MORC1: variants seen among roughly 807,000 people sequenced by gnomAD.
The protein encoded by MORC1 is MORC family CW-type zinc finger 1, also known as MORC family CW-type zinc finger protein 1.
In MORC1, 59 loss-of-function variants were observed where a neutral mutation model predicts 134.9. The observed-to-expected ratio is 0.44, with a 90% CI of 0.35 to 0.54. MORC1 has a LOEUF of 0.54. Ranked by LOEUF, MORC1 falls within the 20% of genes least tolerant of loss-of-function variation. The pLI, the probability that MORC1 is intolerant of heterozygous loss-of-function variation, is 0.00. For synonymous variants in MORC1, 395 were observed against 391.7 expected, an observed-to-expected ratio of 1.01 and a Z score of -0.10; for missense variants, 947 against 1,134.5, an observed-to-expected ratio of 0.83 and a Z score of 2.37.
intron 8 of MORC1, among the ~76,000 whole-genome samples, chr3:109,085,570 C>T (rs984701452): frequency 6.6e-6 from 1 of 151,540 alleles, no homozygotes; most frequent in East Asian, 1.9e-4. Context: ...TATCATCTCA[C>T]CCCAATTAAA....
At chr3:109,097,270 CTAGA>C (rs1197086260) in intron 6 of MORC1, among the ~76,000 whole-genome samples, 8 of 152,106 alleles carry the variant, frequency 5.3e-5, no homozygotes, top group African/African-American at 1.9e-4. Context: ...ACACTAGAAA[CTAGA>C]TAATGAAGCA....
chr3:109,065,395 T>G (rs1437215120), intron 9 of MORC1, among the ~76,000 whole-genome samples: 1 of 152,094 alleles, frequency 6.6e-6, no homozygotes, highest in Non-Finnish European at 1.5e-5. Context: ...AGAACCATCT[T>G]CCCACAAAAT....
intron 3 of MORC1, among the ~76,000 whole-genome samples, chr3:109,108,206 G>A (rs2107796105): frequency 6.6e-6 from 1 of 152,088 alleles, no homozygotes; most frequent in South Asian, 2.1e-4. Context: ...AAGGAGAAGT[G>A]CCACTTTAAT....
chr3:109,011,271 T>C (rs1948675296), intron 17 of MORC1, among the ~76,000 whole-genome samples: 1 of 152,174 alleles, frequency 6.6e-6, no homozygotes, highest in African/African-American at 2.4e-5. Flanking sequence ...TATGTCACTT[T>C]ACCATTTTGC....
chr3:109,079,747 G>A (rs571968239), intron 8 of MORC1, among the ~76,000 whole-genome samples: 21 of 152,098 alleles, frequency 1.4e-4, no homozygotes, highest in African/African-American at 5.1e-4. Context: ...AAAATCTAAT[G>A]AAAACTATTA....
intron 25 of MORC1, among the ~76,000 whole-genome samples, chr3:108,970,874 T>C (rs565068512): frequency 6.6e-6 from 1 of 152,320 alleles, no homozygotes; most frequent in South Asian, 2.1e-4. Context: ...TCCAATCACA[T>C]CTGGTACTGT....
At chr3:108,967,488 A>G (rs1947255973) in intron 26 of MORC1, among the ~76,000 whole-genome samples, 1 of 152,164 alleles carries the variant, frequency 6.6e-6, no homozygotes, top group Non-Finnish European at 1.5e-5. Flanking sequence ...TGGTGGGCCA[A>G]TACGCCAACC....
chr3:108,974,136 C>A (rs2107411682), intron 24 of MORC1, among the ~76,000 whole-genome samples: 1 of 152,182 alleles, frequency 6.6e-6, no homozygotes, highest in Non-Finnish European at 1.5e-5. Context: ...CACTCTCTTC[C>A]ACATCAGATT....
At chr3:109,103,404 A>G (rs945903020) in intron 4 of MORC1, among the ~76,000 whole-genome samples, 2 of 152,194 alleles carry the variant, frequency 1.3e-5, no homozygotes, top group Non-Finnish European at 2.9e-5. Flanking sequence ...AATGCAGAGG[A>G]AAAAACAAGG....
Position 109,068,814 on chromosome 3 carries a change from G to T in MORC1, c.815+818C>A, listed in dbSNP as rs115602469. Among the ~76,000 whole-genome samples, 778 of 152,266 alleles carry T rather than the reference G, an allele frequency of 5.1e-3. 18 individuals carry two copies. The highest frequency in any genetic ancestry group is 0.018 in the African/African-American group (747 of 41,556). On this transcript the variant is annotated intron_variant, in intron 9 of 27. Coordinates refer to ENST00000232603, the MANE Select transcript of MORC1 (RefSeq NM_014429.4). ...AATGACCATTCTGATGGCATGCATG[G>T]TTGGAAAAAATGGATATTATAATAT...
chr3:109,045,369 A>T (rs1949670133), intron 14 of MORC1, among the ~76,000 whole-genome samples: 1 of 152,088 alleles, frequency 6.6e-6, no homozygotes, highest in South Asian at 2.1e-4. Flanking sequence ...GACCCTTCCT[A>T]ATCTGGTCCA....
intron 14 of MORC1, among the ~76,000 whole-genome samples, chr3:109,053,974 A>G (rs1949890169): frequency 6.6e-6 from 1 of 152,160 alleles, no homozygotes; most frequent in Non-Finnish European, 1.5e-5. Flanking sequence ...AGAATTTTTA[A>G]CTATGCAAAA....
chr3:109,114,510 G>A, intron 1 of MORC1, 73 bp from the exon 2 acceptor site: 2 of 1,301,896 alleles, frequency 1.5e-6, no homozygotes, highest in Non-Finnish European at 2.2e-6. Context: ...TAAGATTCTT[G>A]CAGACAAACG....
chr3:108,960,062 T>C (rs1683375876), intron 27 of MORC1, among the ~76,000 whole-genome samples: 1 of 151,980 alleles, frequency 6.6e-6, no homozygotes, highest in African/African-American at 2.4e-5. Context: ...AAGAGAGAAA[T>C]CAGCAGTTAA....
chr3:109,078,698 G>T (rs1266509344), intron 8 of MORC1, among the ~76,000 whole-genome samples: 5 of 151,670 alleles, frequency 3.3e-5, no homozygotes, highest in Non-Finnish European at 7.4e-5. Flanking sequence ...TAAAATAAAA[G>T]TAATCCCAGC....
intron 5 of MORC1, among the ~76,000 whole-genome samples, chr3:109,099,866 G>A (rs529609161): frequency 5.9e-5 from 9 of 152,178 alleles, no homozygotes; most frequent in Non-Finnish European, 8.8e-5. Flanking sequence ...AAGCACTAAA[G>A]TACAGGGGTA....
In MORC1 at chr3:109,041,715, C is replaced by T. The variant is rs554577685; in HGVS notation, c.1331-6247G>A. Among the ~76,000 whole-genome samples, 8 of 152,172 alleles carry T rather than the reference C, an allele frequency of 5.3e-5. No individual in the cohort carries two copies. In the South Asian group the frequency reaches 6.2e-4, roughly 12 times the overall value. On this transcript the variant is annotated intron_variant, in intron 14 of 27. Transcript: ENST00000232603. ...TACAAAAGTTAGCTGGGTGTGGTGG[C>T]GCATACCTGTAGTCCCAGCGACTCA...
chr3:109,089,543 A>G (rs1950677415), intron 8 of MORC1, among the ~76,000 whole-genome samples: 1 of 152,162 alleles, frequency 6.6e-6, no homozygotes, highest in South Asian at 2.1e-4. Context: ...CTGTAAATGA[A>G]GCTTACTAAA....
At chr3:109,111,934 A>G (rs1189605583) in intron 2 of MORC1, among the ~76,000 whole-genome samples, 1 of 152,138 alleles carries the variant, frequency 6.6e-6, no homozygotes, top group Non-Finnish European at 1.5e-5. Context: ...CCATTTCTTG[A>G]GCACCTCCCA....
Sources: gnomAD v4.1 joint callset for allele counts (sites outside exome capture counted in the v4.1 genomes callset) on GRCh38, gnomAD v4.1.1 for gene constraint, MANE v1.5 for transcripts, NCBI Gene and HGNC (gene_info 2026-07-23, HGNC 2026-07-21) for gene names.